The following TLL2 variants were observed in gnomAD, a reference collection of about 807,000 sequenced individuals.
TLL2 encodes the protein tolloid like 2, also known as tolloid-like protein 2.
Under a neutral mutation model 123.0 loss-of-function variants are expected in TLL2, and 106 were observed. The ratio of observed to expected loss-of-function variants is 0.86; its 90% CI spans 0.74 to 1.01. The LOEUF is 1.01. TLL2 is among the 50% of genes least tolerant of loss of function. The pLI is 0.00. For synonymous variants in TLL2, 494 were observed against 516.8 expected, an observed-to-expected ratio of 0.96 and a Z score of 0.60; for missense variants, 1,332 against 1,336.7, an observed-to-expected ratio of 1.00 and a Z score of 0.06.
At chr10:96,486,756 C>A (rs1020735720) in intron 1 of TLL2, among the ~76,000 whole-genome samples, 1 of 152,250 alleles carries the variant, frequency 6.6e-6, no homozygotes, top group East Asian at 1.9e-4. Context: ...AATGCCCCTG[C>A]ACACCACAGT....
intron 5 of TLL2, among the ~76,000 whole-genome samples, chr10:96,427,818 C>T (rs1050883645): frequency 6.6e-6 from 1 of 151,978 alleles, no homozygotes; most frequent in Non-Finnish European, 1.5e-5. Context: ...TTCTGAGATG[C>T]AGTTTTGCTC....
Position 96,405,242 on chromosome 10 carries a change from G to A in TLL2, c.1257C>T (p.Ala419=), listed in dbSNP as rs368699481. The A allele has an allele frequency of 1.7e-5, 27 of 1,614,052 alleles. No homozygotes were observed. The East Asian group carries it at 2.0e-4, about 12-fold the overall frequency. The change falls in exon 10 of 21, where the codon GCC becomes GCT. Residue 419 remains alanine (A), a synonymous_variant. Coordinates refer to ENST00000357947, the MANE Select transcript of TLL2 (RefSeq NM_012465.4). ...CTAAAGTCAACTTACCCAAAAGGGG[G>A]GCTTTTCTCCAGTAACCATCCCGGA... is the stretch of plus-strand genomic sequence containing the variant. ...VEVRDGYWRK[A]PLLGRFCGDK...
At chr10:96,426,755 T>C (rs1242138036) in intron 5 of TLL2, among the ~76,000 whole-genome samples, 2 of 151,440 alleles carry the variant, frequency 1.3e-5, no homozygotes, top group Non-Finnish European at 2.9e-5. Flanking sequence ...TATGTAATCA[T>C]ATTTTGTCTC....
intron 1 of TLL2, among the ~76,000 whole-genome samples, chr10:96,494,397 C>T (rs755808562): frequency 1.3e-5 from 2 of 152,234 alleles, no homozygotes; most frequent in Non-Finnish European, 2.9e-5. Context: ...CCAGGGCAGC[C>T]CCCTGACCTT....
Position 96,401,045 on chromosome 10 carries a change from G to C in TLL2, c.1268-3743C>G, listed in dbSNP as rs910393496. Among the ~76,000 whole-genome samples, 85 of 152,202 alleles carry C rather than the reference G, an allele frequency of 5.6e-4. 1 individual carries two copies. The highest frequency in any genetic ancestry group is 5.3e-3 in the Admixed American group (81 of 15,278). On this transcript the variant is annotated intron_variant, in intron 10 of 20. Transcript: ENST00000357947. ...AGCAGGCTGGAGAGAAACTGGACTA[G>C]AGAAAAGGTGTCAGATTCCTGCACT...
chr10:96,503,538 C>T (rs1266288580), intron 1 of TLL2, among the ~76,000 whole-genome samples: 1 of 152,196 alleles, frequency 6.6e-6, no homozygotes, highest in Non-Finnish European at 1.5e-5. Context: ...AGGATGCTCA[C>T]TGCTTCTGCT....
intron 1 of TLL2, among the ~76,000 whole-genome samples, chr10:96,502,252 G>T (rs1248176701): frequency 6.6e-6 from 1 of 152,194 alleles, no homozygotes; most frequent in Non-Finnish European, 1.5e-5. Context: ...GCACCCCGGG[G>T]CCTGCTGATT....
In TLL2 at chr10:96,395,347, C is replaced by T. The variant is rs1233440658; in HGVS notation, c.1566G>A (p.Leu522=). The T allele has an allele frequency of 1.2e-6, 2 of 1,611,234 alleles. No homozygotes were observed. The highest frequency in any genetic ancestry group is 1.7e-6 in the Non-Finnish European group (2 of 1,178,998). The part of the protein sequence containing the change: ...ERHDSCAYDY[L]EVRDGPTEES... ...CTTCCGTGGGGCCATCCCGGACTTC[C>T]AGGTAGTCATATGCACAGCTGTCGT... The change falls in exon 13 of 21, where the codon CTG becomes CTA. Residue 522 remains leucine (L), a synonymous_variant. Coordinates refer to ENST00000357947, the MANE Select transcript of TLL2 (RefSeq NM_012465.4).
intron 2 of TLL2, among the ~76,000 whole-genome samples, chr10:96,460,275 C>G (rs758301821): frequency 1.3e-5 from 2 of 152,188 alleles, no homozygotes; most frequent in Non-Finnish European, 2.9e-5. Flanking sequence ...AAACACTTCA[C>G]AGAAGAAATT....
intron 13 of TLL2, among the ~76,000 whole-genome samples, chr10:96,394,537 G>C (rs956203265): frequency 6.6e-6 from 1 of 152,182 alleles, no homozygotes; most frequent in Admixed American, 6.5e-5. Flanking sequence ...ACGGAAATTT[G>C]TTCCCAGAGT....
At chr10:96,489,184 G>A (rs1423613470) in intron 1 of TLL2, among the ~76,000 whole-genome samples, 1 of 152,168 alleles carries the variant, frequency 6.6e-6, no homozygotes, top group African/African-American at 2.4e-5. Flanking sequence ...GAGAAACCAG[G>A]AGTTTGGTAT....
At chr10:96,489,471 G>A (rs1847390766) in intron 1 of TLL2, among the ~76,000 whole-genome samples, 2 of 152,156 alleles carry the variant, frequency 1.3e-5, no homozygotes, top group Admixed American at 6.5e-5. Flanking sequence ...TGAGGCTGCA[G>A]TGAGCCATGA....
intron 6 of TLL2, among the ~76,000 whole-genome samples, chr10:96,421,945 C>T (rs1846628303): frequency 6.6e-6 from 1 of 152,166 alleles, no homozygotes; most frequent in Admixed American, 6.5e-5. Flanking sequence ...AAATAGCTCA[C>T]AATTCAGATT....
Position 96,506,251 on chromosome 10 carries a change from CAAAAAAAAAAAAAAG to C in TLL2, c.175+7245_175+7259del, listed in dbSNP as rs1283209601. On this transcript the variant is annotated intron_variant, in intron 1 of 20. Coordinates refer to ENST00000357947, the MANE Select transcript of TLL2 (RefSeq NM_012465.4). Reference sequence around the variant, plus strand: ...TGGATGACAGAGCGAGACCCCATCTCAAAAAAAAAAAAAAGAAAAAAAAAAAAGAAAAAAGGAAAG... The same window carrying C: ...TGGATGACAGAGCGAGACCCCATCTCAAAAAAAAAAAAGAAAAAAGGAAAG... Among the ~76,000 whole-genome samples the C allele has an allele frequency of 8.2e-5, 3 of 36,748 alleles. 1 individual carries two copies. The allele number at this position is 36,748 out of a possible 152,430, so 24.1% of individuals were successfully genotyped here. A position where few individuals can be genotyped will look rare whatever the true frequency, so the allele number is the denominator to read the frequency against.
In TLL2 at chr10:96,368,003, G is replaced by T; in HGVS notation, c.*85C>A. Reference sequence around the variant, plus strand: ...GAGAAAAATACTGTACACTGTTTTAGGGCAGATTTTCAAGGTGCTATTGTT... The same window carrying T: ...GAGAAAAATACTGTACACTGTTTTATGGCAGATTTTCAAGGTGCTATTGTT... On this transcript the variant is annotated 3_prime_UTR_variant, in exon 21 of 21. Coordinates refer to ENST00000357947, the MANE Select transcript of TLL2 (RefSeq NM_012465.4). 6.6e-7 allele frequency: 1 copy of T among 1,526,138 alleles called. No homozygotes were observed. The highest frequency in any genetic ancestry group is 8.9e-7 in the Non-Finnish European group (1 of 1,120,754). 94.5% of individuals were successfully genotyped at this position (1,526,138 alleles called of 1,614,324 possible).
intron 13 of TLL2, among the ~76,000 whole-genome samples, chr10:96,391,574 C>T (rs1846289182): frequency 6.6e-6 from 1 of 152,188 alleles, no homozygotes; most frequent in African/African-American, 2.4e-5. Context: ...GGTTCTAGTT[C>T]CAGCCCAGCC....
At chr10:96,429,676 C>A (rs1474828778) in intron 4 of TLL2, among the ~76,000 whole-genome samples, 1 of 152,166 alleles carries the variant, frequency 6.6e-6, no homozygotes, top group Non-Finnish European at 1.5e-5. Flanking sequence ...CCCTCATTTT[C>A]TTTTAGACCT....
intron 3 of TLL2, among the ~76,000 whole-genome samples, chr10:96,436,520 A>C (rs1447210639): frequency 2.0e-5 from 3 of 152,188 alleles, no homozygotes; most frequent in Admixed American, 6.5e-5. Context: ...CATTTTCTCT[A>C]TCCTTAATTT....
intron 3 of TLL2, among the ~76,000 whole-genome samples, chr10:96,434,715 G>A (rs1846776377): frequency 1.3e-5 from 2 of 152,156 alleles, no homozygotes; most frequent in South Asian, 4.1e-4. Flanking sequence ...GGGTGGAATT[G>A]CTGGGTCATA....
Sources: allele counts gnomAD v4.1 joint callset (sites outside exome capture counted in the v4.1 genomes callset), GRCh38; gene constraint gnomAD v4.1.1; transcripts MANE v1.5; gene names NCBI Gene and HGNC (gene_info 2026-07-23, HGNC 2026-07-21).